Variants in TNRC6B observed in about 807,000 individuals in gnomAD.
The protein encoded by TNRC6B is trinucleotide repeat-containing gene 6B protein.
Under a neutral mutation model 203.6 loss-of-function variants are expected in TNRC6B, and 52 were observed. That is an observed-to-expected ratio of 0.26 (90% CI 0.20 to 0.32). The LOEUF (loss-of-function observed/expected upper bound fraction) is 0.32, where lower values mean the gene tolerates loss of function less well. Among genes scored for constraint, TNRC6B ranks in the 10% least tolerant of loss-of-function variants. The pLI is 1.00. For synonymous variants in TNRC6B, 838 were observed against 845.7 expected, an observed-to-expected ratio of 0.99 and a Z score of 0.16; for missense variants, 1,923 against 2,286.2, an observed-to-expected ratio of 0.84 and a Z score of 3.24.
intron 5 of TNRC6B, 122 bp downstream of exon 5, chr22:40,267,158 T>G (rs901834643): frequency 9.5e-7 from 1 of 1,052,130 alleles, no homozygotes. Context: ...CAGTTTCTAC[T>G]CTGTTGCTAA....
chr22:40,188,657 GC>G (rs2069235819), intron 1 of TNRC6B, among the ~76,000 whole-genome samples: 1 of 152,084 alleles, frequency 6.6e-6, no homozygotes, highest in African/African-American at 2.4e-5. Context: ...GAAAATAATT[GC>G]TGTTCTTTTA....
chr22:40,211,053 T>C (rs1019280333), intron 1 of TNRC6B, among the ~76,000 whole-genome samples: 1 of 152,202 alleles, frequency 6.6e-6, no homozygotes, highest in Non-Finnish European at 1.5e-5. Flanking sequence ...CTCCCACATT[T>C]AGTCAGTTAC....
chr22:40,164,863 C>G (rs546135068), intron 4 of TNRC6B, among the ~76,000 whole-genome samples: 7 of 150,020 alleles, frequency 4.7e-5, no homozygotes, highest in Non-Finnish European at 8.9e-5. Context: ...CTCACTGCAA[C>G]CTCCGCCTCC....
intron 1 of TNRC6B, among the ~76,000 whole-genome samples, chr22:40,071,530 G>C (rs192785122): frequency 6.6e-6 from 1 of 152,308 alleles, no homozygotes; most frequent in East Asian, 1.9e-4. Flanking sequence ...TACCATAAGG[G>C]AATATATACT....
At chr22:40,194,379 G>T (rs1056773471) in intron 1 of TNRC6B, among the ~76,000 whole-genome samples, 10 of 152,128 alleles carry the variant, frequency 6.6e-5, no homozygotes, top group Non-Finnish European at 1.3e-4. Flanking sequence ...CGATGGCCTC[G>T]GCTGCTGAGC....
At position 40,230,146 on chromosome 22, in the gene TNRC6B, G is replaced by GAGA. The variant is rs2069847156; in HGVS notation, c.6-15869_6-15868insAGA. 2.6e-5 allele frequency among the ~76,000 whole-genome samples: 4 copies of GAGA among 152,226 alleles called. No individual in the cohort carries two copies. In the South Asian group the frequency reaches 6.2e-4, roughly 24 times the overall value. On this transcript the variant is annotated intron_variant, in intron 1 of 22. Coordinates refer to ENST00000454349, the MANE Select transcript of TNRC6B (RefSeq NM_001162501.2). Reference sequence around the variant, plus strand: ...AATTTTGCACATTCTACAAGTACATGTGTGTTGACATCTCATTGTGGCTTT... The same window carrying GAGA: ...AATTTTGCACATTCTACAAGTACATGAGATGTGTTGACATCTCATTGTGGCTTT...
At position 40,333,526 on chromosome 22, in the gene TNRC6B, A is replaced by T. The variant is rs1397610499; in HGVS notation, c.*10285A>T. On this transcript the variant is annotated 3_prime_UTR_variant, in exon 23 of 23. Transcript: ENST00000454349. ...TGGAGCTCTCAACCTTTCTTGGTTC[A>T]GACACACACATACACACCCCTTGAG... is the stretch of plus-strand genomic sequence containing the variant. The T allele has an allele frequency of 6.6e-6, 1 of 152,634 alleles. No individual in the cohort carries two copies. Among genetic ancestry groups the T allele is most frequent in the African/African-American group, 2.4e-5 (1 of 41,430 alleles). 9.5% of individuals were successfully genotyped at this position (152,634 alleles called of 1,614,324 possible).
intron 1 of TNRC6B, among the ~76,000 whole-genome samples, chr22:40,096,631 A>C (rs1008536233): frequency 1.3e-5 from 2 of 152,174 alleles, no homozygotes; most frequent in African/African-American, 4.8e-5. Context: ...AACTTCCCCC[A>C]GTCTTCTCTT....
chr22:40,251,841 G>A (rs754375093), intron 3 of TNRC6B, among the ~76,000 whole-genome samples: 1 of 152,142 alleles, frequency 6.6e-6, no homozygotes, highest in South Asian at 2.1e-4. Flanking sequence ...ACAGCAGTTT[G>A]TCCACCACCT....
chr22:40,311,336 T>C (rs2071177383), intron 17 of TNRC6B, among the ~76,000 whole-genome samples: 2 of 152,344 alleles, frequency 1.3e-5, no homozygotes, highest in South Asian at 4.1e-4. Context: ...GCAGTAGCGA[T>C]TGCAATGAGA....
Position 40,090,808 on chromosome 22 carries a change from A to G in TNRC6B, c.-120-26247A>G, listed in dbSNP as rs112782552. 3.6e-3 allele frequency among the ~76,000 whole-genome samples: 543 copies of G among 152,270 alleles called. 4 individuals are homozygous for G. The highest frequency in any genetic ancestry group is 0.017 in the Middle Eastern group (5 of 294). On this transcript the variant is annotated intron_variant, in intron 1 of 23. Transcript: ENST00000301923. ...CCCAAATTGTGGTCTTGGAATACCA[A>G]TTCTCACTAACAGGAAGCAGGGTTA...
intron 1 of TNRC6B, chr22:40,045,730 A>G (rs1007877717): frequency 6.6e-6 from 1 of 152,140 alleles, no homozygotes; most frequent in African/African-American, 2.4e-5. Flanking sequence ...GTTCCAGACT[A>G]CCGGTTTATT....
In TNRC6B at chr22:40,222,728, C is replaced by CTTTTTTTTTTTTTTTTTTTTTTT. The variant is rs61374373; in HGVS notation, c.6-23276_6-23254dup. Reference sequence around the variant, plus strand: ...ATCTTGCTGTATTCTCTCTCTCTCTCTTTTTTTTTTTTTTTTTTTTTTTTT... The same window carrying CTTTTTTTTTTTTTTTTTTTTTTT: ...ATCTTGCTGTATTCTCTCTCTCTCTCTTTTTTTTTTTTTTTTTTTTTTTTTTTTTTTTTTTTTTTTTTTTTTTT... On this transcript the variant is annotated intron_variant, in intron 1 of 22. Transcript: ENST00000454349. Among the ~76,000 whole-genome samples the CTTTTTTTTTTTTTTTTTTTTTTT allele has an allele frequency of 1.5e-4, 6 of 40,212 alleles. 1 individual carries two copies. Among genetic ancestry groups the CTTTTTTTTTTTTTTTTTTTTTTT allele is most frequent in the Non-Finnish European group, 2.4e-4 (6 of 25,160 alleles). The allele number at this position is 40,212 out of a possible 152,430, so 26.4% of individuals were successfully genotyped here. A position where few individuals can be genotyped will look rare whatever the true frequency, so the allele number is the denominator to read the frequency against.
At chr22:40,129,749 TGTAG>T (rs1238469488) in intron 3 of TNRC6B, among the ~76,000 whole-genome samples, 1 of 152,160 alleles carries the variant, frequency 6.6e-6, no homozygotes, top group African/African-American at 2.4e-5. Context: ...ATGGTTACAG[TGTAG>T]GTATGTTTTA....
intron 3 of TNRC6B, among the ~76,000 whole-genome samples, chr22:40,145,633 A>AGAGATT (rs937934927): frequency 3.0e-4 from 46 of 152,084 alleles, no homozygotes; most frequent in African/African-American, 1.1e-3. Flanking sequence ...CACAAGGTCA[A>AGAGATT]GAGATTGAGA....
chr22:40,063,418 C>T (rs1189936169), intron 1 of TNRC6B, among the ~76,000 whole-genome samples: 1 of 152,196 alleles, frequency 6.6e-6, no homozygotes, highest in African/African-American at 2.4e-5. Flanking sequence ...TGAATTTCCA[C>T]ATGAATTTTA....
chr22:40,057,247 C>G (rs2146267773), intron 1 of TNRC6B, among the ~76,000 whole-genome samples: 1 of 150,310 alleles, frequency 6.7e-6, no homozygotes, highest in South Asian at 2.1e-4. Context: ...AATTTTTTTC[C>G]TAAAGGTGTT....
chr22:40,178,611 T>C (rs2069095751), intron 1 of TNRC6B, among the ~76,000 whole-genome samples: 2 of 152,206 alleles, frequency 1.3e-5, no homozygotes, highest in Non-Finnish European at 2.9e-5. Context: ...TTTTATTTTT[T>C]AAACTGGGCC....
At chr22:40,049,859 C>T (rs184523364) in intron 1 of TNRC6B, among the ~76,000 whole-genome samples, 2 of 152,182 alleles carry the variant, frequency 1.3e-5, no homozygotes, top group South Asian at 4.1e-4. Flanking sequence ...CCACCTCAGC[C>T]TCCCAAAGTG....
Sources: gnomAD v4.1 joint callset for allele counts (sites outside exome capture counted in the v4.1 genomes callset) on GRCh38, gnomAD v4.1.1 for gene constraint, MANE v1.5 for transcripts, NCBI Gene and HGNC (gene_info 2026-07-23, HGNC 2026-07-21) for gene names.